Variants in TUSC3 observed in about 807,000 individuals in gnomAD.
TUSC3 encodes dolichyl-diphosphooligosaccharide--protein glycosyltransferase subunit TUSC3.
Under a neutral mutation model 44.8 loss-of-function variants are expected in TUSC3, and 45 were observed. The ratio of observed to expected loss-of-function variants is 1.00; its 90% confidence interval spans 0.79 to 1.29. The LOEUF is 1.29. TUSC3 is among the 50% of genes most tolerant of loss of function. TUSC3 has a pLI of 0.00. For missense variants in TUSC3, 519 were observed against 437.9 expected, an observed-to-expected ratio of 1.19 and a Z score of -1.65; for synonymous variants, 212 against 152.9, an observed-to-expected ratio of 1.39 and a Z score of -2.85.
chr8:15,714,318 T>C (rs1809980270), intron 6 of TUSC3, among the ~76,000 whole-genome samples: 1 of 152,198 alleles, frequency 6.6e-6, no homozygotes, highest in African/African-American at 2.4e-5. Context: ...TTTTAAATTT[T>C]GATTTTTGAA....
intron 1 of TUSC3, among the ~76,000 whole-genome samples, chr8:15,615,196 T>G (rs1390796601): frequency 6.6e-6 from 1 of 152,198 alleles, no homozygotes; most frequent in East Asian, 1.9e-4. Flanking sequence ...ATACCCCTGA[T>G]GTGGAATCAA....
At chr8:15,448,263 T>A (rs1257940337) in intron 1 of TUSC3, among the ~76,000 whole-genome samples, 1 of 151,788 alleles carries the variant, frequency 6.6e-6, no homozygotes, top group South Asian at 2.1e-4. Context: ...AGATCACAGA[T>A]GTGTGCAACC....
At position 15,540,445 on chromosome 8, in the gene TUSC3, C is replaced by T. The variant is rs201469989; in HGVS notation, c.15C>T (p.Gly5=). 22 of 1,597,988 alleles carry T rather than the reference C, an allele frequency of 1.4e-5. No individual in the cohort carries two copies. The highest frequency in any genetic ancestry group is 3.4e-5 in the Admixed American group (2 of 58,260). The part of the protein sequence containing the change: MGAR[G]APSRRRQAGR... Reference sequence around the variant, plus strand: ...GCCCTGCCGCGATGGGGGCCCGGGGCGCTCCTTCACGCCGTAGGCAAGCGG... The same window carrying T: ...GCCCTGCCGCGATGGGGGCCCGGGGTGCTCCTTCACGCCGTAGGCAAGCGG... The change falls in exon 1 of 11, where the codon GGC becomes GGT. Residue 5 remains glycine (G), a synonymous_variant. Coordinates refer to ENST00000503731, the MANE Select transcript of TUSC3 (RefSeq NM_006765.4).
chr8:15,585,743 G>A (rs1803571597), intron 1 of TUSC3, among the ~76,000 whole-genome samples: 2 of 152,086 alleles, frequency 1.3e-5, no homozygotes, highest in Admixed American at 1.3e-4. Flanking sequence ...TTACCTGTTC[G>A]ACTGTCGGAA....
chr8:15,608,371 G>C (rs1804620521), intron 1 of TUSC3, among the ~76,000 whole-genome samples: 1 of 151,922 alleles, frequency 6.6e-6, no homozygotes, highest in South Asian at 2.1e-4. Flanking sequence ...TAAAATAGTT[G>C]TTTGTCTTAT....
At chr8:15,589,093 A>C (rs943753550) in intron 1 of TUSC3, among the ~76,000 whole-genome samples, 1 of 152,014 alleles carries the variant, frequency 6.6e-6, no homozygotes, top group Non-Finnish European at 1.5e-5. Flanking sequence ...TTTCTTACTA[A>C]ATTTAAAGTC....
intron 10 of TUSC3, among the ~76,000 whole-genome samples, chr8:15,762,622 C>G (rs940362166): frequency 6.6e-6 from 1 of 152,090 alleles, no homozygotes; most frequent in African/African-American, 2.4e-5. Flanking sequence ...CCTTTAAACA[C>G]TAAACAACAA....
intron 2 of TUSC3, among the ~76,000 whole-genome samples, chr8:15,488,300 C>T (rs1257168363): frequency 2.0e-5 from 3 of 151,328 alleles, no homozygotes; most frequent in East Asian, 3.9e-4. Flanking sequence ...AGCCCAGGAC[C>T]AGCCTGAACA....
intron 2 of TUSC3, among the ~76,000 whole-genome samples, chr8:15,499,434 C>T (rs117183873): frequency 5.3e-4 from 80 of 152,258 alleles, no homozygotes; most frequent in Non-Finnish European, 9.1e-4. Context: ...TCACACTCCA[C>T]GCCTCTGACC....
chr8:15,466,602 C>G (rs963904682), intron 1 of TUSC3, among the ~76,000 whole-genome samples: 1 of 152,072 alleles, frequency 6.6e-6, no homozygotes. Flanking sequence ...GACATTCAGT[C>G]TTGTCTTAAG....
intron 1 of TUSC3, among the ~76,000 whole-genome samples, chr8:15,430,342 G>A (rs148292665): frequency 0.11 from 16,293 of 143,408 alleles, 1,201 homozygotes; most frequent in Middle Eastern, 0.2. Flanking sequence ...ATCAATAAAC[G>A]TAATCCAGCG....
At chr8:15,732,823 C>A (rs1165096546) in intron 7 of TUSC3, among the ~76,000 whole-genome samples, 1 of 152,078 alleles carries the variant, frequency 6.6e-6, no homozygotes, top group Non-Finnish European at 1.5e-5. Flanking sequence ...CACCACTGAC[C>A]ATCTTCTTCC....
At chr8:15,829,071 C>T in the TUSC3 span, among the ~76,000 whole-genome samples, 11 of 152,270 alleles carry the variant, frequency 7.2e-5, no homozygotes, top group East Asian at 2.1e-3. Flanking sequence ...ATGTTTTCTT[C>T]TCATACTTAC....
intron 2 of TUSC3, among the ~76,000 whole-genome samples, chr8:15,629,570 T>TC (rs1491294780): frequency 1.3e-4 from 18 of 142,574 alleles, no homozygotes; most frequent in Admixed American, 3.6e-4. Context: ...TTTTTTTTTT[T>TC]CACGTGAATT....
chr8:15,423,889 G>C (rs1407302172), intron 1 of TUSC3, among the ~76,000 whole-genome samples: 1 of 148,542 alleles, frequency 6.7e-6, no homozygotes, highest in Non-Finnish European at 1.5e-5. Context: ...GATTACCCCT[G>C]TTGTGTGGGG....
At chr8:15,651,016 C>T in intron 3 of TUSC3, 55 of 401,310 alleles carry the variant, frequency 1.4e-4, no homozygotes, top group Admixed American at 3.9e-4. Context: ...CACACACACA[C>T]ACACACAAAT....
At chr8:15,793,903 G>T in the TUSC3 span, among the ~76,000 whole-genome samples, 9 of 152,150 alleles carry the variant, frequency 5.9e-5, no homozygotes, top group African/African-American at 1.4e-4. Context: ...TCCATAATGG[G>T]GAAAGGCTTA....
intron 1 of TUSC3, among the ~76,000 whole-genome samples, chr8:15,594,918 T>TTGAC (rs1803999822): frequency 6.6e-6 from 1 of 152,146 alleles, no homozygotes; most frequent in South Asian, 2.1e-4. Flanking sequence ...AGATGGAGTT[T>TTGAC]TGACTGGATG....
chr8:15,539,398 G>A (rs773592053), upstream of TUSC3, among the ~76,000 whole-genome samples: 8 of 123,114 alleles, frequency 6.5e-5, no homozygotes, highest in Non-Finnish European at 1.3e-4. Context: ...TGTCTCCCAG[G>A]CTGGAGTGCA....
Sources: gnomAD v4.1 joint callset for allele counts (sites outside exome capture counted in the v4.1 genomes callset) on GRCh38, gnomAD v4.1.1 for gene constraint, MANE v1.5 for transcripts, NCBI Gene and HGNC (gene_info 2026-07-23, HGNC 2026-07-21) for gene names.